The following NRAP variants were observed in gnomAD, a reference collection of about 807,000 sequenced individuals.
NRAP encodes the protein nebulin related anchoring protein, also known as nebulin-related-anchoring protein.
NRAP carries 189 observed loss-of-function variants against 225.9 expected under a neutral mutation model. The ratio of observed to expected loss-of-function variants is 0.84; its 90% CI spans 0.74 to 0.94. NRAP has a LOEUF of 0.94. NRAP is among the 40% of genes least tolerant of loss of function. The pLI is 0.00. For synonymous variants in NRAP, 769 were observed against 790.7 expected, an observed-to-expected ratio of 0.97 and a Z score of 0.46; for missense variants, 2,176 against 2,168.7, an observed-to-expected ratio of 1.00 and a Z score of -0.07.
At chr10:113,649,579 C>G (rs190325132) in intron 9 of NRAP, among the ~76,000 whole-genome samples, 76 of 152,308 alleles carry the variant, frequency 5.0e-4, no homozygotes, top group African/African-American at 1.8e-3. Flanking sequence ...TTTGCATTCT[C>G]TGGCATACTG....
At chr10:113,625,936 A>G in intron 21 of NRAP, 111 bp downstream of exon 21, 1 of 659,680 alleles carries the variant, frequency 1.5e-6, no homozygotes, top group Non-Finnish European at 2.5e-6. Context: ...ATTTAGAGGG[A>G]AGGCTCTTTG....
At chr10:113,650,375 C>T in intron 8 of NRAP, 63 bp downstream of exon 8, 1 of 1,219,712 alleles carries the variant, frequency 8.2e-7, no homozygotes, top group Non-Finnish European at 1.2e-6. Flanking sequence ...AAGTTGGACT[C>T]CTCAGACCCA....
intron 26 of NRAP, among the ~76,000 whole-genome samples, chr10:113,616,199 G>A (rs1350185299): frequency 6.6e-6 from 1 of 152,144 alleles, no homozygotes; most frequent in East Asian, 1.9e-4. Flanking sequence ...GTACAGGTGA[G>A]GTTTTCTCCT....
At chr10:113,594,686 T>G (rs750911691) in intron 38 of NRAP, among the ~76,000 whole-genome samples, 2 of 152,240 alleles carry the variant, frequency 1.3e-5, no homozygotes, top group Non-Finnish European at 2.9e-5. Context: ...TAACTCATAT[T>G]TACAAAGCAC....
Position 113,594,336 on chromosome 10 carries a change from C to T in NRAP, c.4536+1287G>A, listed in dbSNP as rs999306899. Among the ~76,000 whole-genome samples, 7 of 152,302 alleles carry T rather than the reference C, an allele frequency of 4.6e-5. No homozygotes were observed. In the South Asian group the frequency reaches 8.3e-4, roughly 18 times the overall value. On this transcript the variant is annotated intron_variant, in intron 38 of 41. Coordinates refer to ENST00000359988, the MANE Select transcript of NRAP (RefSeq NM_198060.4). ...AAGAGGTTCATGAGTTATCCATATCCGCATACCCTGGTGGCTAATTTCAGC... is the reference window on the plus strand; with the variant it reads ...AAGAGGTTCATGAGTTATCCATATCTGCATACCCTGGTGGCTAATTTCAGC...
intron 12 of NRAP, among the ~76,000 whole-genome samples, chr10:113,642,390 T>C (rs1163585570): frequency 6.6e-6 from 1 of 152,154 alleles, no homozygotes; most frequent in Non-Finnish European, 1.5e-5. Context: ...TCTACTATTA[T>C]GTGCAACTAA....
At chr10:113,652,873 C>T (rs374850111) in intron 6 of NRAP, 62 bp downstream of exon 6, 8 of 1,103,342 alleles carry the variant, frequency 7.3e-6, no homozygotes, top group East Asian at 4.7e-5. Flanking sequence ...CCCTAAATCA[C>T]GGGGGCTCAT....
At chr10:113,625,270 G>T (rs903970306) in intron 21 of NRAP, among the ~76,000 whole-genome samples, 1 of 152,194 alleles carries the variant, frequency 6.6e-6, no homozygotes. Context: ...CCACCAGGGG[G>T]TTCAGATTAG....
chr10:113,644,147 CAAA>C (rs60015356), intron 11 of NRAP, among the ~76,000 whole-genome samples: 1,433 of 47,950 alleles, frequency 0.03, 24 homozygotes, highest in African/African-American at 0.1. Flanking sequence ...AACTCCCTCT[CAAA>C]AAAAAAAAAA....
At chr10:113,604,521 G>T in intron 35 of NRAP, 88 bp downstream of exon 35, 1 of 1,193,038 alleles carries the variant, frequency 8.4e-7, no homozygotes. Flanking sequence ...GAGCCCAAAA[G>T]ACTAAGGAAG....
intron 16 of NRAP, 25 bp from the exon 17 acceptor site, chr10:113,631,989 T>G: frequency 7.2e-7 from 1 of 1,386,086 alleles, no homozygotes; most frequent in Non-Finnish European, 1.0e-6. Flanking sequence ...CACAAGTGAA[T>G]AGGAGTTGCT....
At chr10:113,626,428 T>C (rs2134008630) in intron 20 of NRAP, among the ~76,000 whole-genome samples, 1 of 152,330 alleles carries the variant, frequency 6.6e-6, no homozygotes, top group African/African-American at 2.4e-5. Context: ...TTTATAAATA[T>C]AGACCTGACA....
chr10:113,664,022 C>A lies in NRAP; in HGVS notation c.-140G>T. On this transcript the variant is annotated 5_prime_UTR_variant, in exon 1 of 42. Transcript: ENST00000359988. ...TCGATCTTTCAGAATCCAACTTCCACTTTCCTTTGCTGACCTTCTAGTTTG... is the reference window on the plus strand; with the variant it reads ...TCGATCTTTCAGAATCCAACTTCCAATTTCCTTTGCTGACCTTCTAGTTTG... The A allele has an allele frequency of 1.5e-6, 1 of 659,718 alleles. No homozygotes were observed. The highest frequency in any genetic ancestry group is 1.8e-5 in the South Asian group (1 of 55,788). The allele number at this position is 659,718 out of a possible 1,614,324, so 40.9% of individuals were successfully genotyped here. A position where few individuals can be genotyped will look rare whatever the true frequency, so the allele number is the denominator to read the frequency against.
chr10:113,625,080 G>C (rs904023127), intron 21 of NRAP, 150 bp from the exon 22 acceptor site: 113 of 598,946 alleles, frequency 1.9e-4, no homozygotes, highest in African/African-American at 1.8e-3. Context: ...CTGAGTGGCA[G>C]GATACAGTCA....
At position 113,623,653 on chromosome 10, in the gene NRAP, GAGA is replaced by G. The variant is rs761832459; in HGVS notation, c.2350-20_2350-18del. 6.4e-7 allele frequency: 1 copy of G among 1,561,500 alleles called. No homozygotes were observed. Among genetic ancestry groups the G allele is most frequent in the South Asian group, 1.1e-5 (1 of 89,614 alleles). ...ATACAGTTTCTAAGGGGATTTAGGA[GAGA>G]AGGTGAGTGGGTTTTCATGTGAGAG... On this transcript the variant is annotated intron_variant, in intron 22 of 41. Coordinates refer to ENST00000359988, the MANE Select transcript of NRAP (RefSeq NM_198060.4).
In NRAP at chr10:113,621,977, C is replaced by T. The variant is rs755622875; in HGVS notation, c.2661G>A (p.Gln887=). ...TGTAGCCTACGTCTGTGGCTAAATG[C>T]TGAGCTTTGCGGGCATGCACGAGGT... ...MVHLVHARKA[Q]HLATDVGYKT... Residue 887 remains glutamine, a synonymous_variant, in exon 24 of 42, where the codon CAG becomes CAA. Transcript: ENST00000359988. 1.4e-4 allele frequency: 222 copies of T among 1,614,104 alleles called. No homozygotes were observed. Among genetic ancestry groups the T allele is most frequent in the Non-Finnish European group, 1.8e-4 (214 of 1,180,048 alleles).
At chr10:113,594,167 T>C (rs1846151944) in intron 38 of NRAP, among the ~76,000 whole-genome samples, 1 of 152,212 alleles carries the variant, frequency 6.6e-6, no homozygotes, top group Admixed American at 6.5e-5. Context: ...ATTAGAGTCA[T>C]TTGATTTTTA....
chr10:113,646,880 T>G (rs1849542929), intron 10 of NRAP, 43 bp downstream of exon 10: 1 of 1,327,544 alleles, frequency 7.5e-7, no homozygotes, highest in Non-Finnish European at 1.1e-6. Context: ...AAAGTCTCAC[T>G]TCTCTGCCTC....
At chr10:113,662,902 C>T (rs4918862) in intron 2 of NRAP, 136 bp from the exon 3 acceptor site, 8 of 467,298 alleles carry the variant, frequency 1.7e-5, no homozygotes, top group Admixed American at 1.3e-4. Flanking sequence ...AAATTAAGTT[C>T]GTGATTTTCC....
Sources: gnomAD v4.1 joint callset for allele counts (sites outside exome capture counted in the v4.1 genomes callset) on GRCh38, gnomAD v4.1.1 for gene constraint, MANE v1.5 for transcripts, NCBI Gene and HGNC (gene_info 2026-07-23, HGNC 2026-07-21) for gene names.